PLEKHA6: variants seen among roughly 807,000 people sequenced by gnomAD.
PLEKHA6 encodes pleckstrin homology domain-containing family A member 6.
In PLEKHA6, 60 loss-of-function variants were observed where a neutral mutation model predicts 116.7. The ratio of observed to expected loss-of-function variants is 0.51; its 90% CI spans 0.42 to 0.64. The LOEUF is 0.64. Among genes scored for constraint, PLEKHA6 ranks in the 30% least tolerant of loss-of-function variants. The pLI, the probability that PLEKHA6 is intolerant of heterozygous loss-of-function variation, is 0.00. For missense variants in PLEKHA6, 1,338 were observed against 1,422.7 expected, an observed-to-expected ratio of 0.94 and a Z score of 0.96; for synonymous variants, 489 against 556.1, an observed-to-expected ratio of 0.88 and a Z score of 1.70.
chr1:204,281,369 C>CA (rs1357058828), intron 1 of PLEKHA6, among the ~76,000 whole-genome samples: 2 of 151,914 alleles, frequency 1.3e-5, no homozygotes, highest in African/African-American at 4.8e-5. Flanking sequence ...ACTAAAAATA[C>CA]AAAAAATTAG....
chr1:204,309,199 G>A (rs2103140865), intron 1 of PLEKHA6: 1 of 239,786 alleles, frequency 4.2e-6, no homozygotes, highest in South Asian at 1.5e-4. Context: ...CTCCCTGCAG[G>A]TCTCCCCCGC....
chr1:204,294,773 G>A (rs1001555667), intron 1 of PLEKHA6, among the ~76,000 whole-genome samples: 8 of 152,030 alleles, frequency 5.3e-5, no homozygotes, highest in South Asian at 2.1e-4. Context: ...GATAATATAC[G>A]GACCTTCTTC....
chr1:204,232,605 G>C (rs1661350497), intron 17 of PLEKHA6, among the ~76,000 whole-genome samples: 1 of 152,220 alleles, frequency 6.6e-6, no homozygotes, highest in South Asian at 2.1e-4. Context: ...ACAGAGATAA[G>C]ATGAAATGGA....
rs138204591 is a variant in PLEKHA6, at chr1:204,357,796, G to A, written c.-95+1898C>T. ...GTTGCGGCTTCTTCACTCTGGCCTA[G>A]GCCAGTCCCCTGGGCCAAGAGAGCT... is the stretch of plus-strand genomic sequence containing the variant. On this transcript the variant is annotated intron_variant, in intron 1 of 22. Coordinates refer to ENST00000272203, the MANE Select transcript of PLEKHA6 (RefSeq NM_014935.5). Among the ~76,000 whole-genome samples the A allele has an allele frequency of 9.2e-4, 140 of 152,372 alleles. 1 individual carries two copies. The highest frequency in any genetic ancestry group is 3.3e-3 in the African/African-American group (136 of 41,580).
intron 1 of PLEKHA6, chr1:204,326,898 A>G (rs1006357694): frequency 1.4e-6 from 1 of 734,738 alleles, no homozygotes; most frequent in Non-Finnish European, 1.7e-6. Context: ...ATATGATCCA[A>G]ATAGGGTGAG....
intron 1 of PLEKHA6, among the ~76,000 whole-genome samples, chr1:204,356,335 G>A (rs568001958): frequency 6.6e-6 from 1 of 152,308 alleles, no homozygotes; most frequent in East Asian, 1.9e-4. Context: ...CACTTTGGGA[G>A]GCCGACGTGG....
chr1:204,376,798 C>T (rs954220268), intron 1 of PLEKHA6, among the ~76,000 whole-genome samples: 2 of 152,140 alleles, frequency 1.3e-5, no homozygotes, highest in Admixed American at 6.5e-5. Context: ...AGGAAAAGCT[C>T]GTCAAGTGTG....
At chr1:204,334,336 G>C (rs1672562624) in intron 1 of PLEKHA6, among the ~76,000 whole-genome samples, 4 of 152,160 alleles carry the variant, frequency 2.6e-5, no homozygotes, top group Admixed American at 2.6e-4. Context: ...CTAAGAGAGG[G>C]AGTCAAAGAC....
At position 204,286,086 on chromosome 1, in the gene PLEKHA6, A is replaced by G. The variant is rs1669145458; in HGVS notation, c.-94-11277T>C. On this transcript the variant is annotated intron_variant, in intron 1 of 22. Coordinates refer to ENST00000272203, the MANE Select transcript of PLEKHA6 (RefSeq NM_014935.5). ...CCCCTTCCCCACCCAGCACTCATCC[A>G]GACCTGGATCCTATGGAAATCACAG... 3.4e-5 allele frequency among the ~76,000 whole-genome samples: 5 copies of G among 145,260 alleles called. No individual in the cohort carries two copies. The Admixed American group carries it at 3.6e-4, about 10-fold the overall frequency.
intron 1 of PLEKHA6, among the ~76,000 whole-genome samples, chr1:204,355,767 A>G (rs190211445): frequency 2.0e-5 from 3 of 152,232 alleles, no homozygotes; most frequent in African/African-American, 4.8e-5. Flanking sequence ...CTCTGCACAC[A>G]CTGCCTTTTA....
chr1:204,251,376 A>G (rs1375156665), intron 9 of PLEKHA6, among the ~76,000 whole-genome samples: 1 of 152,204 alleles, frequency 6.6e-6, no homozygotes, highest in African/African-American at 2.4e-5. Flanking sequence ...TGGAGGTGAC[A>G]TAGTGGAATT....
At chr1:204,333,392 C>G (rs1003851861) in intron 1 of PLEKHA6, among the ~76,000 whole-genome samples, 1 of 152,206 alleles carries the variant, frequency 6.6e-6, no homozygotes, top group African/African-American at 2.4e-5. Flanking sequence ...AGAGAAAGTA[C>G]AGCTCAAGCC....
Position 204,332,000 on chromosome 1 carries a change from C to T in PLEKHA6, c.-95+27694G>A, listed in dbSNP as rs1006599147. 2.8e-4 allele frequency among the ~76,000 whole-genome samples: 43 copies of T among 152,234 alleles called. 1 individual carries two copies. The highest frequency in any genetic ancestry group is 6.5e-4 in the African/African-American group (27 of 41,522). ...GGTGCAAACACACCTCATGCCCAAA[C>T]GCTTCCTTTCCTAACTCCTGGCAGC... is the stretch of plus-strand genomic sequence containing the variant. On this transcript the variant is annotated intron_variant, in intron 1 of 22. Transcript: ENST00000272203.
intron 5 of PLEKHA6, among the ~76,000 whole-genome samples, chr1:204,265,870 G>A (rs1023956638): frequency 5.9e-5 from 9 of 152,216 alleles, no homozygotes; most frequent in South Asian, 4.2e-4. Context: ...AATTCATCCC[G>A]GATCTCCAAA....
chr1:204,247,424 C>T lies in PLEKHA6; in HGVS notation c.1861G>A (p.Glu621Lys), dbSNP rs757269217. The change falls in exon 13 of 23, where the codon GAG becomes AAG. Residue 621 changes from glutamate to lysine, a missense_variant. Coordinates refer to ENST00000272203, the MANE Select transcript of PLEKHA6 (RefSeq NM_014935.5). Reference sequence around the variant, plus strand: ...TCGTGCAGGGCAGAGACCTCAGACTCGAGGTGCTCATACTCTATGGTGCTG... The same window carrying T: ...TCGTGCAGGGCAGAGACCTCAGACTTGAGGTGCTCATACTCTATGGTGCTG... ...TNSTIEYEHL[E>K]SEVSALHDDL... is the part of the protein sequence containing the mutation. 3.1e-6 allele frequency: 5 copies of T among 1,613,298 alleles called. No individual in the cohort carries two copies. The highest frequency in any genetic ancestry group is 1.3e-5 in the African/African-American group (1 of 75,024).
chr1:204,315,236 T>C (rs1298527414), intron 1 of PLEKHA6, among the ~76,000 whole-genome samples: 2 of 152,154 alleles, frequency 1.3e-5, no homozygotes. Flanking sequence ...ACCTGTTTCA[T>C]CATGTGACTC....
chr1:204,345,022 TC>T (rs1406617395), intron 1 of PLEKHA6, among the ~76,000 whole-genome samples: 1 of 152,202 alleles, frequency 6.6e-6, no homozygotes, highest in Non-Finnish European at 1.5e-5. Context: ...ACCAACTCTT[TC>T]AAGATATTGT....
intron 15 of PLEKHA6, among the ~76,000 whole-genome samples, chr1:204,243,775 C>T (rs1400613276): frequency 6.6e-6 from 1 of 152,140 alleles, no homozygotes. Flanking sequence ...TGAGTGAAGC[C>T]TTTGAGCACA....
intron 17 of PLEKHA6, among the ~76,000 whole-genome samples, chr1:204,232,719 T>C (rs1661367215): frequency 6.6e-6 from 1 of 151,962 alleles, no homozygotes; most frequent in Non-Finnish European, 1.5e-5. Flanking sequence ...AAAGCAAGAA[T>C]GACTCAGAGC....
Sources: gnomAD v4.1 joint callset for allele counts (sites outside exome capture counted in the v4.1 genomes callset) on GRCh38, gnomAD v4.1.1 for gene constraint, MANE v1.5 for transcripts, NCBI Gene and HGNC (gene_info 2026-07-23, HGNC 2026-07-21) for gene names.